Variants in HNRNPUL2 observed in about 807,000 individuals in gnomAD.
The protein encoded by HNRNPUL2 is heterogeneous nuclear ribonucleoprotein U-like protein 2.
In HNRNPUL2, 27 loss-of-function variants were observed where a neutral mutation model predicts 102.2. The observed-to-expected ratio is 0.26, with a 90% CI of 0.19 to 0.36. HNRNPUL2 has a LOEUF of 0.36. Ranked by LOEUF, HNRNPUL2 falls within the 10% of genes least tolerant of loss-of-function variation. HNRNPUL2 has a pLI of 1.00. For missense variants in HNRNPUL2, 936 were observed against 981.1 expected, an observed-to-expected ratio of 0.95 and a Z score of 0.61; for synonymous variants, 458 against 387.2, an observed-to-expected ratio of 1.18 and a Z score of -2.15.
Position 62,723,994 on chromosome 11 carries a change from T to C in HNRNPUL2, c.675-4A>G, listed in dbSNP as rs528430071. 56 of 1,610,416 alleles carry C rather than the reference T, an allele frequency of 3.5e-5. No individual in the cohort carries two copies. The highest frequency in any genetic ancestry group is 6.7e-5 in the Admixed American group (4 of 59,966). On this transcript the variant is annotated splice_region_variant and splice_polypyrimidine_tract_variant and intron_variant, in intron 2 of 13. Coordinates refer to ENST00000301785, the MANE Select transcript of HNRNPUL2 (RefSeq NM_001079559.3). ...AGGAGGCAGTGGAGACTTTGAGCTA[T>C]ATATGTAAGATAGAAAAGAAACACA...
At chr11:62,718,000 G>C (rs1590895780) in intron 10 of HNRNPUL2, among the ~76,000 whole-genome samples, 1 of 152,164 alleles carries the variant, frequency 6.6e-6, no homozygotes, top group Non-Finnish European at 1.5e-5. Context: ...AATCCAGTTG[G>C]CCCTCAATTT....
At chr11:62,722,056 A>G (rs2083706850) in intron 7 of HNRNPUL2, 61 bp downstream of exon 7, 4 of 1,601,686 alleles carry the variant, frequency 2.5e-6, no homozygotes, top group Non-Finnish European at 8.5e-7. Context: ...GACCCTGGAG[A>G]GCATACGCAC....
In HNRNPUL2 at chr11:62,721,951, A is replaced by C. The variant is rs751294145; in HGVS notation, c.1360-9T>G. On this transcript the variant is annotated splice_polypyrimidine_tract_variant and intron_variant, in intron 7 of 13. Coordinates refer to ENST00000301785, the MANE Select transcript of HNRNPUL2 (RefSeq NM_001079559.3). ...CCCACCATCAGAATCACCTGCAAAA[A>C]ACAGAACCAGAAATATAATGAAAAA... 3 of 1,612,712 alleles carry C rather than the reference A, an allele frequency of 1.9e-6. No homozygotes were observed. The highest frequency in any genetic ancestry group is 2.5e-6 in the Non-Finnish European group (3 of 1,179,648).
At chr11:62,725,901 G>A (rs757147873) in intron 1 of HNRNPUL2, among the ~76,000 whole-genome samples, 16 of 152,192 alleles carry the variant, frequency 1.1e-4, no homozygotes, top group Non-Finnish European at 1.6e-4. Flanking sequence ...TAAAAGACTA[G>A]CACCAGGTGT....
chr11:62,716,973 G>T lies in HNRNPUL2; in HGVS notation c.1981+16C>A, dbSNP rs749036969. 1.2e-6 allele frequency: 2 copies of T among 1,611,938 alleles called. No homozygotes were observed. The highest frequency in any genetic ancestry group is 3.3e-5 in the Admixed American group (2 of 59,990). On this transcript the variant is annotated intron_variant, in intron 11 of 13. Transcript: ENST00000301785. Reference sequence around the variant, plus strand: ...AATGGACTGAAGTAGGGGGCTGGCAGGTCCCCAAGACTCACCATAGCCTTG... The same window carrying T: ...AATGGACTGAAGTAGGGGGCTGGCATGTCCCCAAGACTCACCATAGCCTTG...
At chr11:62,721,718 C>T in intron 8 of HNRNPUL2, 102 bp downstream of exon 8, 1 of 1,340,974 alleles carries the variant, frequency 7.5e-7, no homozygotes. Flanking sequence ...TTCTCTATTT[C>T]TGGGACCCTT....
At chr11:62,717,786 A>C (rs1407832067) in intron 10 of HNRNPUL2, among the ~76,000 whole-genome samples, 1 of 152,228 alleles carries the variant, frequency 6.6e-6, no homozygotes, top group Admixed American at 6.5e-5. Context: ...CCTCGCTGAC[A>C]GAAGAGAGAC....
chr11:62,715,359 G>T lies in HNRNPUL2; in HGVS notation c.2184C>A (p.His728Gln). The change falls in exon 14 of 14, where the codon CAC becomes CAA. Residue 728 changes from histidine to glutamine, a missense_variant. Physicochemically the swap from His to Gln is conservative, Grantham distance 24. Transcript: ENST00000301785. ...YNRDWQSYYY[H>Q]HPQDRDRYYR... ...AGTATCGGTCTCTGTCCTGGGGGTGGTGGTAGTAGTAACTCTGCCACTAGA... is the reference window on the plus strand; with the variant it reads ...AGTATCGGTCTCTGTCCTGGGGGTGTTGGTAGTAGTAACTCTGCCACTAGA... The T allele has an allele frequency of 6.2e-7, 1 of 1,613,342 alleles. No individual in the cohort carries two copies.
intron 9 of HNRNPUL2, among the ~76,000 whole-genome samples, chr11:62,720,882 A>C (rs1439399020): frequency 6.6e-6 from 1 of 151,668 alleles, no homozygotes; most frequent in Non-Finnish European, 1.5e-5. Flanking sequence ...AAAAAAAAAA[A>C]AAAAAGACTC....
intron 10 of HNRNPUL2, among the ~76,000 whole-genome samples, chr11:62,717,502 G>C (rs1032651257): frequency 2.0e-5 from 3 of 152,186 alleles, no homozygotes; most frequent in Non-Finnish European, 4.4e-5. Context: ...GAGGCTAAAA[G>C]TAACTGAGAA....
chr11:62,720,120 C>G lies in HNRNPUL2; in HGVS notation c.1683G>C (p.Val561=). Residue 561 remains valine, a synonymous_variant, in exon 10 of 14, where the codon GTG becomes GTC. Transcript: ENST00000301785. The stretch of plus-strand genomic sequence containing the variant: ...TCCAATCTTCCTCATTAGGGACAAC[C>G]ACCACCACTTTCCGAGAGAAGGTCT... The part of the protein sequence containing the change: ...LFKTFSRKVV[V]VVPNEEDWKK... The G allele has an allele frequency of 6.2e-7, 1 of 1,614,078 alleles. No individual in the cohort carries two copies. The highest frequency in any genetic ancestry group is 8.5e-7 in the Non-Finnish European group (1 of 1,179,912).
Position 62,714,011 on chromosome 11 carries a change from G to C in HNRNPUL2, c.*1288C>G, listed in dbSNP as rs2083638746. The C allele has an allele frequency of 1.3e-5, 2 of 152,210 alleles. No homozygotes were observed. The highest frequency in any genetic ancestry group is 4.8e-5 in the African/African-American group (2 of 41,428). The allele number at this position is 152,210 out of a possible 1,614,324, so 9.4% of individuals were successfully genotyped here. A position where few individuals can be genotyped will look rare whatever the true frequency, so the allele number is the denominator to read the frequency against. Reference sequence around the variant, plus strand: ...AGAGGCCTCTCTGGGGACACACAGGGAAAGCGCCCCAAAAGGAATTTTGTT... The same window carrying C: ...AGAGGCCTCTCTGGGGACACACAGGCAAAGCGCCCCAAAAGGAATTTTGTT... On this transcript the variant is annotated 3_prime_UTR_variant, in exon 14 of 14. Coordinates refer to ENST00000301785, the MANE Select transcript of HNRNPUL2 (RefSeq NM_001079559.3).
At chr11:62,725,050 G>C (rs1439787111) in intron 1 of HNRNPUL2, among the ~76,000 whole-genome samples, 1 of 152,172 alleles carries the variant, frequency 6.6e-6, no homozygotes, top group Non-Finnish European at 1.5e-5. Context: ...ACCGCATCTA[G>C]ACTGCACATT....
At position 62,727,272 on chromosome 11, in the gene HNRNPUL2, G is replaced by C. The variant is rs191708968; in HGVS notation, c.-116C>G. The C allele has an allele frequency of 3.3e-6, 4 of 1,196,894 alleles. No individual in the cohort carries two copies. Among genetic ancestry groups the C allele is most frequent in the East Asian group, 3.5e-5 (1 of 28,696 alleles). 74.1% of individuals were successfully genotyped at this position (1,196,894 alleles called of 1,614,324 possible). A position where few individuals can be genotyped will look rare whatever the true frequency, so the allele number is the denominator to read the frequency against. On this transcript the variant is annotated 5_prime_UTR_variant, in exon 1 of 14. Coordinates refer to ENST00000301785, the MANE Select transcript of HNRNPUL2 (RefSeq NM_001079559.3). ...CCTCCGCCTCACGCGCCAGCACTGA[G>C]CCCGCGCGAGCGAGCGCACGCACGC...
chr11:62,715,517 T>TATTACA lies in HNRNPUL2; in HGVS notation c.2145_2146insTGTAAT (p.Tyr715_Arg716insCysAsn), dbSNP rs1349410614. 6.2e-7 allele frequency: 1 copy of TATTACA among 1,611,542 alleles called. No homozygotes were observed. The highest frequency in any genetic ancestry group is 1.3e-5 in the African/African-American group (1 of 74,884). ...ATACTCACATCCCGATTGTATTGTC[T>TATTACA]GTAATAGTCTCTGTATCTGTTGTAC... On this transcript the variant is annotated inframe_insertion, in exon 13 of 14. Transcript: ENST00000301785.
intron 1 of HNRNPUL2, among the ~76,000 whole-genome samples, 156 bp downstream of exon 1, chr11:62,726,463 C>A (rs375713830): frequency 2.0e-5 from 3 of 152,238 alleles, no homozygotes; most frequent in African/African-American, 7.2e-5. Flanking sequence ...GGCGGCCTAA[C>A]CCCTCAGAAA....
In HNRNPUL2 at chr11:62,722,154, C is replaced by T. The variant is rs2083707741; in HGVS notation, c.1322G>A (p.Arg441His). 3 of 1,614,040 alleles carry T rather than the reference C, an allele frequency of 1.9e-6. No homozygotes were observed. The highest frequency in any genetic ancestry group is 1.7e-4 in the Middle Eastern group (1 of 6,060). The change falls in exon 7 of 14, where the codon CGC becomes CAC. Residue 441 changes from arginine (R) to histidine (H), a missense_variant. Physicochemically the swap from Arg to His is conservative, Grantham distance 29 (BLOSUM62 0). Transcript: ENST00000301785. The part of the protein sequence containing the change: ...IHAVPVEERV[R>H]TAVPPKTIEE... ...TATGGTCTTGGGAGGGACTGCAGTGCGTACACGCTCCTCAACAGGCACAGC... is the reference window on the plus strand; with the variant it reads ...TATGGTCTTGGGAGGGACTGCAGTGTGTACACGCTCCTCAACAGGCACAGC...
chr11:62,723,780 C>T (rs964897792), intron 3 of HNRNPUL2, 54 bp from the exon 4 acceptor site: 3 of 1,611,106 alleles, frequency 1.9e-6, no homozygotes, highest in African/African-American at 2.7e-5. Context: ...TGTAAGCCGC[C>T]AACAGAGCAT....
rs930021728 is a variant in HNRNPUL2 at position 62,722,177 on chromosome 11, A to G, written c.1299T>C (p.Ala433=). Residue 433 remains alanine (A), a synonymous_variant, in exon 7 of 14, where the codon GCT becomes GCC. Coordinates refer to ENST00000301785, the MANE Select transcript of HNRNPUL2 (RefSeq NM_001079559.3). ...PPPEEFVFIH[A]VPVEERVRTA... The stretch of plus-strand genomic sequence containing the variant: ...TGCGTACACGCTCCTCAACAGGCAC[A>G]GCATGAATGAACACAAACTCTTCTG... 2 of 1,614,076 alleles carry G rather than the reference A, an allele frequency of 1.2e-6. No individual in the cohort carries two copies. The highest frequency in any genetic ancestry group is 2.7e-5 in the African/African-American group (2 of 74,944).
Sources: allele counts gnomAD v4.1 joint callset (sites outside exome capture counted in the v4.1 genomes callset), GRCh38; gene constraint gnomAD v4.1.1; transcripts MANE v1.5; gene names NCBI Gene and HGNC (gene_info 2026-07-23, HGNC 2026-07-21).